COL25A1: variants seen among roughly 807,000 people sequenced by gnomAD.
COL25A1 encodes the protein collagen type XXV alpha 1 chain.
In COL25A1, 103 loss-of-function variants were observed where a neutral mutation model predicts 128.4. The observed-to-expected ratio is 0.80, with a 90% confidence interval of 0.68 to 0.94. The LOEUF is 0.94. Ranked by LOEUF, COL25A1 falls within the 40% of genes least tolerant of loss-of-function variation. COL25A1 has a pLI of 0.00. For missense variants in COL25A1, 745 were observed against 840.0 expected (o/e 0.89, Z 1.40); for synonymous variants, 279 against 277.2 (o/e 1.01, Z -0.06).
chr4:109,208,497 A>C (rs1446703490), intron 3 of COL25A1, among the ~76,000 whole-genome samples: 1 of 149,532 alleles, frequency 6.7e-6, no homozygotes, highest in Non-Finnish European at 1.5e-5. Flanking sequence ...AAAAAAAAAA[A>C]CAAATTATTA....
At chr4:108,963,461 AT>A (rs1750955764) in intron 8 of COL25A1, among the ~76,000 whole-genome samples, 1 of 152,148 alleles carries the variant, frequency 6.6e-6, no homozygotes, top group Non-Finnish European at 1.5e-5. Context: ...GTTTTAGTAT[AT>A]TTACTAAAAG....
intron 3 of COL25A1, among the ~76,000 whole-genome samples, chr4:109,242,699 A>G (rs183700060): frequency 1.3e-3 from 192 of 152,204 alleles, no homozygotes; most frequent in African/African-American, 4.5e-3. Context: ...TTATTTCACC[A>G]AAGTTTTTTT....
At chr4:108,903,199 CT>C (rs1446074179) in intron 13 of COL25A1, among the ~76,000 whole-genome samples, 2 of 151,992 alleles carry the variant, frequency 1.3e-5, no homozygotes, top group South Asian at 2.1e-4. Flanking sequence ...GTTTGATCTC[CT>C]TTTTTTCTTT....
At chr4:108,910,064 T>C (rs957109723) in intron 13 of COL25A1, among the ~76,000 whole-genome samples, 1 of 152,200 alleles carries the variant, frequency 6.6e-6, no homozygotes, top group Admixed American at 6.5e-5. Context: ...AGGAAATACC[T>C]TTATTTTTTC....
intron 3 of COL25A1, among the ~76,000 whole-genome samples, chr4:109,210,268 T>A (rs1000985995): frequency 1.3e-5 from 2 of 151,714 alleles, no homozygotes; most frequent in African/African-American, 4.9e-5. Flanking sequence ...TTATATTGAA[T>A]AACTGTAATG....
chr4:108,991,995 A>G (rs1012066429), intron 6 of COL25A1, among the ~76,000 whole-genome samples: 4 of 152,202 alleles, frequency 2.6e-5, no homozygotes, highest in Non-Finnish European at 5.9e-5. Context: ...CACAGAAGGA[A>G]GCAAAGAAAG....
chr4:109,129,244 C>T (rs796173292), intron 3 of COL25A1, among the ~76,000 whole-genome samples: 69 of 152,152 alleles, frequency 4.5e-4, no homozygotes, highest in African/African-American at 1.6e-3. Flanking sequence ...ATTCTCCTGC[C>T]TCAGCCTCCC....
intron 10 of COL25A1, among the ~76,000 whole-genome samples, chr4:108,938,398 G>GT (rs1747688588): frequency 6.6e-6 from 1 of 152,060 alleles, no homozygotes. Flanking sequence ...TTCAAAATAA[G>GT]TATTTCACAG....
chr4:109,138,508 G>A (rs1476798318), intron 3 of COL25A1, among the ~76,000 whole-genome samples: 2 of 152,126 alleles, frequency 1.3e-5, no homozygotes, highest in Non-Finnish European at 2.9e-5. Context: ...ACCCAGTAAT[G>A]GGGTTGCTGA....
intron 27 of COL25A1, among the ~76,000 whole-genome samples, chr4:108,848,260 C>A (rs1431423571): frequency 6.6e-6 from 1 of 152,192 alleles, no homozygotes; most frequent in Non-Finnish European, 1.5e-5. Context: ...TTAGAGGGAA[C>A]CCTCAGAGAT....
intron 3 of COL25A1, among the ~76,000 whole-genome samples, chr4:109,267,902 C>T (rs963957282): frequency 3.3e-5 from 5 of 151,928 alleles, no homozygotes; most frequent in African/African-American, 4.8e-5. Context: ...CTTCATCTGA[C>T]GTTTGGATCT....
At chr4:108,985,208 TGTGGA>T (rs1232782577) in intron 6 of COL25A1, among the ~76,000 whole-genome samples, 1 of 152,222 alleles carries the variant, frequency 6.6e-6, no homozygotes, top group African/African-American at 2.4e-5. Flanking sequence ...TCCTTCTCTC[TGTGGA>T]GTGAAGAACA....
chr4:109,145,069 T>G (rs1770795386), intron 3 of COL25A1, among the ~76,000 whole-genome samples: 2 of 22,878 alleles, frequency 8.7e-5, no homozygotes, highest in Admixed American at 7.8e-4. Context: ...AACCTCAGCT[T>G]TTTTTTTTTT....
intron 3 of COL25A1, among the ~76,000 whole-genome samples, chr4:109,298,329 T>C (rs538456531): frequency 1.3e-5 from 2 of 152,312 alleles, no homozygotes; most frequent in African/African-American, 4.8e-5. Context: ...GACTGAGTTC[T>C]ATCAAAAGAA....
intron 3 of COL25A1, among the ~76,000 whole-genome samples, chr4:109,092,953 G>A (rs1319681926): frequency 1.3e-5 from 2 of 151,896 alleles, no homozygotes; most frequent in South Asian, 2.1e-4. Flanking sequence ...AAGATTGAAG[G>A]TTAAATGTAC....
chr4:109,004,626 T>C (rs28463780), intron 6 of COL25A1, among the ~76,000 whole-genome samples: 1 of 152,130 alleles, frequency 6.6e-6, no homozygotes, highest in Admixed American at 6.5e-5. Flanking sequence ...GTCCTCAAGA[T>C]AGTAAATTCT....
chr4:109,223,517 T>C lies in COL25A1; in HGVS notation c.367+77066A>G, dbSNP rs534523351. Among the ~76,000 whole-genome samples, 7 of 152,244 alleles carry C rather than the reference T, an allele frequency of 4.6e-5. No individual in the cohort carries two copies. In the East Asian group the frequency reaches 9.6e-4, roughly 21 times the overall value. Reference sequence around the variant, plus strand: ...TTAGTTGGGGACAGCTGCTAGCAGCTGGCAGCACCCAAAACCAAGTCAGAA... The same window carrying C: ...TTAGTTGGGGACAGCTGCTAGCAGCCGGCAGCACCCAAAACCAAGTCAGAA... On this transcript the variant is annotated intron_variant, in intron 3 of 37. Coordinates refer to ENST00000399132, the MANE Select transcript of COL25A1 (RefSeq NM_198721.4).
intron 3 of COL25A1, among the ~76,000 whole-genome samples, chr4:109,288,675 A>G (rs1057471479): frequency 3.3e-5 from 5 of 152,066 alleles, no homozygotes; most frequent in Admixed American, 6.6e-5. Context: ...AAATACAGGA[A>G]GCAGTGTCTT....
rs749694252 is a variant in COL25A1, at chr4:108,838,218, G to T, written c.1656+3477C>A. ...AAATGCCAATTTTGGTTGCTATTAT[G>T]GGTGTTTAAACTGTGAGAGAAGAGA... On this transcript the variant is annotated intron_variant, in intron 31 of 37. Coordinates refer to ENST00000399132, the MANE Select transcript of COL25A1 (RefSeq NM_198721.4). 10 of 1,422,110 alleles carry T rather than the reference G, an allele frequency of 7.0e-6. No homozygotes were observed. The South Asian group carries it at 1.1e-4, about 16-fold the overall frequency. The allele number at this position is 1,422,110 out of a possible 1,614,324, so 88.1% of individuals were successfully genotyped here.
Sources: allele counts gnomAD v4.1 joint callset (sites outside exome capture counted in the v4.1 genomes callset), GRCh38; gene constraint gnomAD v4.1.1; transcripts MANE v1.5; gene names NCBI Gene and HGNC (gene_info 2026-07-23, HGNC 2026-07-21).